Variants in YIPF4 observed in about 807,000 individuals in gnomAD.
The protein encoded by YIPF4 is Yip1 domain family member 4.
YIPF4 carries 18 observed loss-of-function variants against 29.4 expected under a neutral mutation model. The ratio of observed to expected loss-of-function variants is 0.61; its 90% CI spans 0.42 to 0.91. The LOEUF (loss-of-function observed/expected upper bound fraction) is 0.91. YIPF4 is among the 40% of genes least tolerant of loss of function. The probability of loss-of-function intolerance (pLI) is 0.00; values close to 1 mark genes in which losing one functional copy is unlikely to be tolerated. For synonymous variants in YIPF4, 115 were observed against 104.7 expected, an observed-to-expected ratio of 1.10 and a Z score of -0.60; for missense variants, 279 against 282.7, an observed-to-expected ratio of 0.99 and a Z score of 0.09.
intron 1 of YIPF4, among the ~76,000 whole-genome samples, chr2:32,280,320 C>A (rs890401037): frequency 2.7e-5 from 4 of 150,580 alleles, no homozygotes; most frequent in Middle Eastern, 3.4e-3. Flanking sequence ...TTAGTAGAGA[C>A]GGGGTTTCAC....
At chr2:32,296,808 A>T (rs1039984671) in intron 3 of YIPF4, among the ~76,000 whole-genome samples, 2 of 152,194 alleles carry the variant, frequency 1.3e-5, no homozygotes, top group African/African-American at 4.8e-5. Flanking sequence ...CCTGTTTCTC[A>T]TCTAACTTTA....
chr2:32,307,026 A>C lies in YIPF4; in HGVS notation c.*1400A>C. ...AAGGAAAGAAAGAAAAACTTATTTT[A>C]AGCTGCAGAAAAAGTGTGGAGCACT... On this transcript the variant is annotated 3_prime_UTR_variant, in exon 6 of 6. Coordinates refer to ENST00000238831, the MANE Select transcript of YIPF4 (RefSeq NM_032312.4). 1.0e-6 allele frequency: 1 copy of C among 967,764 alleles called. No individual in the cohort carries two copies. Among genetic ancestry groups the C allele is most frequent in the Non-Finnish European group, 1.4e-6 (1 of 720,414 alleles). The allele number at this position is 967,764 out of a possible 1,614,324, so 59.9% of individuals were successfully genotyped here. A position where few individuals can be genotyped will look rare whatever the true frequency, so the allele number is the denominator to read the frequency against.
rs2031561276 is a variant in YIPF4, at chr2:32,305,780, T to G, written c.*154T>G. 1 of 1,244,598 alleles carries G rather than the reference T, an allele frequency of 8.0e-7. No individual in the cohort carries two copies. The highest frequency in any genetic ancestry group is 1.0e-6 in the Non-Finnish European group (1 of 995,392). 77.1% of individuals were successfully genotyped at this position (1,244,598 alleles called of 1,614,324 possible). ...AGCGCTTTTTAAAACAATTTTTTTT[T>G]GTATTTAATTAAGCAATTGCAGTTA... On this transcript the variant is annotated 3_prime_UTR_variant, in exon 6 of 6. Coordinates refer to ENST00000238831, the MANE Select transcript of YIPF4 (RefSeq NM_032312.4).
At chr2:32,301,189 A>G (rs377680531) in intron 4 of YIPF4, among the ~76,000 whole-genome samples, 193 bp from the exon 5 acceptor site, 1 of 152,178 alleles carries the variant, frequency 6.6e-6, no homozygotes, top group Non-Finnish European at 1.5e-5. Flanking sequence ...AATTGAAACC[A>G]TGTTGGTTGG....
At chr2:32,301,550 A>C in intron 5 of YIPF4, 55 bp downstream of exon 5, 1 of 1,207,620 alleles carries the variant, frequency 8.3e-7, no homozygotes, top group Non-Finnish European at 1.2e-6. Flanking sequence ...TCAAAAGTAT[A>C]CTAGGCCTCT....
At chr2:32,285,484 T>A in intron 1 of YIPF4, among the ~76,000 whole-genome samples, 1 of 152,134 alleles carries the variant, frequency 6.6e-6, no homozygotes, top group Non-Finnish European at 1.5e-5. Context: ...CACAATACAG[T>A]GATCAGTAAA....
chr2:32,294,059 G>A, intron 3 of YIPF4, among the ~76,000 whole-genome samples: 1 of 149,806 alleles, frequency 6.7e-6, no homozygotes, highest in African/African-American at 2.5e-5. Flanking sequence ...CTTCCCAGTA[G>A]GGGCGGCTGG....
At chr2:32,290,728 C>T in intron 2 of YIPF4, 92 bp downstream of exon 2, 1 of 921,922 alleles carries the variant, frequency 1.1e-6, no homozygotes, top group Non-Finnish European at 1.4e-6. Context: ...AAAGCATTAA[C>T]CTTTTTTGGT....
intron 1 of YIPF4, among the ~76,000 whole-genome samples, chr2:32,282,919 A>G (rs2030493255): frequency 6.6e-6 from 1 of 152,004 alleles, no homozygotes; most frequent in Non-Finnish European, 1.5e-5. Context: ...TACTAAAAAT[A>G]CAAAAAAATT....
intron 3 of YIPF4, among the ~76,000 whole-genome samples, chr2:32,293,923 C>T (rs1189276859): frequency 2.9e-5 from 4 of 136,514 alleles, no homozygotes; most frequent in East Asian, 2.4e-4. Context: ...CCGGACGGGG[C>T]GGCTGGCCGG....
chr2:32,283,435 T>G (rs1328291929), intron 1 of YIPF4, among the ~76,000 whole-genome samples: 1 of 152,214 alleles, frequency 6.6e-6, no homozygotes, highest in Non-Finnish European at 1.5e-5. Context: ...TTACTATTTC[T>G]CCACACATAC....
At chr2:32,305,376 A>C in intron 5 of YIPF4, 113 bp from the exon 6 acceptor site, 1 of 1,236,068 alleles carries the variant, frequency 8.1e-7, no homozygotes, top group Non-Finnish European at 1.1e-6. Flanking sequence ...ATTTACCAAA[A>C]TTGGTTGTTG....
Position 32,298,273 on chromosome 2 carries a change from C to G in YIPF4, c.445C>G (p.Leu149Val), listed in dbSNP as rs370194321. ...TATAACCATTTGGATATTTGGTTCA[C>G]TAACAATTTTCTTACTGGCCAGAGT... ...WIITIWIFGS[L>V]TIFLLARVLG... The change falls in exon 4 of 6, where the codon CTA (leucine) becomes GTA (valine). Residue 149 changes from leucine to valine, a missense_variant. Physicochemically the swap from Leu to Val is conservative, Grantham distance 32. Transcript: ENST00000238831. 2.9e-5 allele frequency: 47 copies of G among 1,608,450 alleles called. No individual in the cohort carries two copies. The highest frequency in any genetic ancestry group is 3.5e-5 in the Non-Finnish European group (41 of 1,177,236).
At chr2:32,281,192 G>A (rs895312251) in intron 1 of YIPF4, among the ~76,000 whole-genome samples, 3 of 151,378 alleles carry the variant, frequency 2.0e-5, no homozygotes, top group Admixed American at 6.6e-5. Context: ...ATATTATATC[G>A]TACAGTTTAA....
intron 1 of YIPF4, among the ~76,000 whole-genome samples, chr2:32,286,896 T>C (rs1289799110): frequency 2.0e-5 from 3 of 152,200 alleles, no homozygotes; most frequent in Non-Finnish European, 4.4e-5. Flanking sequence ...AGTTACAAGA[T>C]TATGCACATG....
At chr2:32,291,311 A>G (rs72798733) in intron 2 of YIPF4, among the ~76,000 whole-genome samples, 12,282 of 152,278 alleles carry the variant, frequency 0.081, 604 homozygotes, top group Admixed American at 0.15. Flanking sequence ...GAGGTGGGCG[A>G]ATCACTTGAG....
In YIPF4 at chr2:32,309,012, C is replaced by CA. The variant is rs1304644306; in HGVS notation, c.*3387dup. 1.6e-5 allele frequency: 2 copies of CA among 125,810 alleles called. No individual in the cohort carries two copies. The highest frequency in any genetic ancestry group is 6.3e-5 in the African/African-American group (2 of 31,908). The allele number at this position is 125,810 out of a possible 1,614,324, so 7.8% of individuals were successfully genotyped here. On this transcript the variant is annotated 3_prime_UTR_variant, in exon 6 of 6. Coordinates refer to ENST00000238831, the MANE Select transcript of YIPF4 (RefSeq NM_032312.4). ...TGCCACTGCACTCCAGCCTAGGTGACAGAGTGAGACTCCGTCTCAAAAAAA... is the reference window on the plus strand; with the variant it reads ...TGCCACTGCACTCCAGCCTAGGTGACAAGAGTGAGACTCCGTCTCAAAAAAA...
Position 32,290,028 on chromosome 2 carries a change from G to A in YIPF4, c.80-455G>A, listed in dbSNP as rs542725005. The stretch of plus-strand genomic sequence containing the variant: ...GAAAAGGTAGAGAAAAATTATCTAC[G>A]AATTTCCTTTAGTAAATAAATTGTC... On this transcript the variant is annotated intron_variant, in intron 1 of 5. Coordinates refer to ENST00000238831, the MANE Select transcript of YIPF4 (RefSeq NM_032312.4). Among the ~76,000 whole-genome samples, 153 of 152,158 alleles carry A rather than the reference G, an allele frequency of 1.0e-3. 2 individuals are homozygous for A. Among genetic ancestry groups the A allele is most frequent in the African/African-American group, 3.5e-3 (144 of 41,528 alleles).
At chr2:32,299,705 T>C (rs1323411937) in intron 4 of YIPF4, among the ~76,000 whole-genome samples, 8 of 152,238 alleles carry the variant, frequency 5.3e-5, no homozygotes, top group East Asian at 1.9e-4. Flanking sequence ...TCCCAGCTAC[T>C]AGGGACTGAG....
Sources: gnomAD v4.1 joint callset for allele counts (sites outside exome capture counted in the v4.1 genomes callset) on GRCh38, gnomAD v4.1.1 for gene constraint, MANE v1.5 for transcripts, NCBI Gene and HGNC (gene_info 2026-07-23, HGNC 2026-07-21) for gene names.